The following ZNF626 variants were observed in gnomAD, a reference collection of about 807,000 sequenced individuals.
ZNF626 encodes the protein CTC-513N18.7.
A neutral mutation model predicts 11.7 loss-of-function variants in ZNF626; 4 were observed. The observed-to-expected ratio is 0.34, with a 90% confidence interval of 0.17 to 0.78. The LOEUF (loss-of-function observed/expected upper bound fraction) is 0.78. Ranked by LOEUF, ZNF626 falls within the 30% of genes least tolerant of loss-of-function variation. The pLI is 0.57. For missense variants in ZNF626, 588 were observed against 587.1 expected, an observed-to-expected ratio of 1.00 and a Z score of -0.01; for synonymous variants, 179 against 198.6, an observed-to-expected ratio of 0.90 and a Z score of 0.83.
In ZNF626 at chr19:20,637,472, G is replaced by T. The variant is rs1555771031; in HGVS notation, c.226+8212C>A. 3.1e-5 allele frequency among the ~76,000 whole-genome samples: 4 copies of T among 128,522 alleles called. No homozygotes were observed. The South Asian group carries it at 9.8e-4, about 32-fold the overall frequency. The allele number at this position is 128,522 out of a possible 152,430, so 84.3% of individuals were successfully genotyped here. ...TGCATTCCTGCCTGGACAACAGAGT[G>T]ACACTCTGTCTCAAAAAAAAAAAAA... is the stretch of plus-strand genomic sequence containing the variant. On this transcript the variant is annotated intron_variant, in intron 3 of 3. Transcript: ENST00000601440.
At chr19:20,658,662 C>T (rs1555773378) in intron 1 of ZNF626, among the ~76,000 whole-genome samples, 2 of 152,104 alleles carry the variant, frequency 1.3e-5, no homozygotes, top group Non-Finnish European at 2.9e-5. Context: ...CCAGTGATAT[C>T]TTTTTTCTGG....
At chr19:20,659,366 A>G (rs1970239388) in intron 1 of ZNF626, among the ~76,000 whole-genome samples, 5 of 152,204 alleles carry the variant, frequency 3.3e-5, no homozygotes, top group African/African-American at 1.2e-4. Flanking sequence ...CAGCCTCCCA[A>G]GTAGCTGGCA....
At chr19:20,636,096 T>C (rs1281276122) in intron 3 of ZNF626, among the ~76,000 whole-genome samples, 1 of 152,154 alleles carries the variant, frequency 6.6e-6, no homozygotes, top group Non-Finnish European at 1.5e-5. Context: ...CCCACCATTG[T>C]ACTGCAGCCT....
chr19:20,639,684 C>T (rs1439403052), intron 3 of ZNF626, among the ~76,000 whole-genome samples: 2 of 152,124 alleles, frequency 1.3e-5, no homozygotes, highest in Non-Finnish European at 2.9e-5. Flanking sequence ...CTACAGAGAG[C>T]CAAAATTATG....
chr19:20,651,828 G>C (rs578145709), intron 1 of ZNF626, among the ~76,000 whole-genome samples: 16 of 152,304 alleles, frequency 1.1e-4, no homozygotes, highest in African/African-American at 3.6e-4. Context: ...GTAAGAGAAA[G>C]AACACAAATA....
chr19:20,625,496 T>A lies in ZNF626; in HGVS notation c.381A>T (p.Lys127Asn), dbSNP rs1234152187. ...ATTGGTTAAGTTCATTATAACCTTC[T>A]TTGTGCACCTTACACTCATCCACAC... ...CISVDECKVH[K>N]EGYNELNQCL... Residue 127 changes from lysine (K) to asparagine (N), a missense_variant, in exon 4 of 4, where the codon AAA (lysine) becomes AAT (asparagine). Lys to Asn is a moderately conservative substitution (Grantham distance 94). Transcript: ENST00000601440. 1 of 1,613,962 alleles carries A rather than the reference T, an allele frequency of 6.2e-7. No individual in the cohort carries two copies. The highest frequency in any genetic ancestry group is 8.5e-7 in the Non-Finnish European group (1 of 1,180,002).
intron 3 of ZNF626, among the ~76,000 whole-genome samples, chr19:20,638,574 G>T (rs1242605547): frequency 6.6e-6 from 1 of 151,948 alleles, no homozygotes. Context: ...TAACAGAATG[G>T]AAAAACGTAT....
At chr19:20,656,344 T>C (rs1167961893) in intron 1 of ZNF626, among the ~76,000 whole-genome samples, 1 of 151,600 alleles carries the variant, frequency 6.6e-6, no homozygotes, top group African/African-American at 2.4e-5. Flanking sequence ...CTCTGCAAGA[T>C]AACATAGAGA....
At chr19:20,660,239 T>C (rs1254462408) in intron 1 of ZNF626, among the ~76,000 whole-genome samples, 2 of 109,368 alleles carry the variant, frequency 1.8e-5, no homozygotes, top group Non-Finnish European at 3.4e-5. Context: ...AGCGACACTG[T>C]GTCTAAAAAA....
intron 3 of ZNF626, among the ~76,000 whole-genome samples, chr19:20,637,123 A>G (rs1374751295): frequency 6.6e-6 from 1 of 152,114 alleles, no homozygotes; most frequent in Non-Finnish European, 1.5e-5. Context: ...AACAAAACAA[A>G]AAACAAAATC....
intron 3 of ZNF626, among the ~76,000 whole-genome samples, chr19:20,639,085 G>C (rs1482112534): frequency 2.6e-5 from 4 of 152,124 alleles, no homozygotes; most frequent in Non-Finnish European, 4.4e-5. Flanking sequence ...AAGAGTAACT[G>C]GATGTATTAT....
At chr19:20,661,293 C>G (rs1026023950) in intron 1 of ZNF626, 151 bp downstream of exon 1, 5 of 1,068,376 alleles carry the variant, frequency 4.7e-6, no homozygotes, top group Non-Finnish European at 5.6e-6. Context: ...CATTTTATGG[C>G]TGAACAGGAC....
chr19:20,632,159 CTG>C (rs1224326743), intron 3 of ZNF626, among the ~76,000 whole-genome samples: 7 of 152,206 alleles, frequency 4.6e-5, no homozygotes, highest in African/African-American at 1.7e-4. Context: ...AAGAGATCAG[CTG>C]TTAGTCTGCT....
chr19:20,629,519 T>G (rs1232696318), intron 3 of ZNF626, among the ~76,000 whole-genome samples: 4 of 152,236 alleles, frequency 2.6e-5, no homozygotes, highest in African/African-American at 9.6e-5. Context: ...GGTGGATTCC[T>G]AGGTATTTTA....
intron 1 of ZNF626, among the ~76,000 whole-genome samples, chr19:20,651,967 T>C (rs1430891338): frequency 6.6e-6 from 1 of 152,194 alleles, no homozygotes; most frequent in Non-Finnish European, 1.5e-5. Context: ...TCAGATTCTA[T>C]TTCCTTCTGG....
rs1555769410 is a variant in ZNF626 at position 20,625,219 on chromosome 19, T to A, written c.658A>T (p.Lys220Ter). The change falls in exon 4 of 4, where the codon AAG becomes TAG. Residue 220 changes from lysine to a stop codon, truncating the protein, a stop_gained. Coordinates refer to ENST00000601440, the MANE Select transcript of ZNF626 (RefSeq NM_001076675.3). LOFTEE classifies it low-confidence loss of function (END_TRUNC). ...GGTTTCTCTCCAGTATGAATTTTCT[T>A]ATGTCTAGTAAGGCTACAAGAGTGG... ...FNHSCSLTRH[K>*]KIHTGEKPYK... 1 of 1,613,436 alleles carries A rather than the reference T, an allele frequency of 6.2e-7. No homozygotes were observed. Among genetic ancestry groups the A allele is most frequent in the Non-Finnish European group, 8.5e-7 (1 of 1,179,924 alleles).
At chr19:20,656,048 CA>C (rs761292749) in intron 1 of ZNF626, among the ~76,000 whole-genome samples, 1 of 151,828 alleles carries the variant, frequency 6.6e-6, no homozygotes, top group African/African-American at 2.4e-5. Context: ...ATAATGTTTA[CA>C]GGGGAAAAAC....
intron 3 of ZNF626, among the ~76,000 whole-genome samples, chr19:20,629,660 A>C (rs1969880684): frequency 6.6e-6 from 1 of 152,208 alleles, no homozygotes. Context: ...GTTGCTTATC[A>C]GCTTAAGGAG....
At position 20,625,243 on chromosome 19, in the gene ZNF626, G is replaced by A. The variant is rs782553763; in HGVS notation, c.634C>T (p.His212Tyr). 6.2e-7 allele frequency: 1 copy of A among 1,612,084 alleles called. No individual in the cohort carries two copies. Among genetic ancestry groups the A allele is most frequent in the South Asian group, 1.1e-5 (1 of 90,980 alleles). The change falls in exon 4 of 4, where the codon CAC becomes TAC. Residue 212 changes from histidine to tyrosine, a missense_variant. By Grantham distance (83) the His-to-Tyr change is moderately conservative. Transcript: ENST00000601440. ...KCEECGKAFN[H>Y]SCSLTRHKKI... is the part of the protein sequence containing the mutation. Reference sequence around the variant, plus strand: ...TTATGTCTAGTAAGGCTACAAGAGTGGTTAAAGGCTTTGCCACATTCTTCA... The same window carrying A: ...TTATGTCTAGTAAGGCTACAAGAGTAGTTAAAGGCTTTGCCACATTCTTCA...
Sources: allele counts gnomAD v4.1 joint callset (sites outside exome capture counted in the v4.1 genomes callset), GRCh38; gene constraint gnomAD v4.1.1; transcripts MANE v1.5; gene names NCBI Gene and HGNC (gene_info 2026-07-23, HGNC 2026-07-21).